The following SPIDR variants were observed in gnomAD, a reference collection of about 807,000 sequenced individuals.
The protein encoded by SPIDR is scaffold protein involved in DNA repair.
Under a neutral mutation model 104.6 loss-of-function variants are expected in SPIDR, and 93 were observed. That is an observed-to-expected ratio of 0.89 (90% CI 0.75 to 1.06). The LOEUF is 1.06. Among genes scored for constraint, SPIDR ranks in the 50% least tolerant of loss-of-function variants. SPIDR has a pLI of 0.00. For synonymous variants in SPIDR, 431 were observed against 416.9 expected, an observed-to-expected ratio of 1.03 and a Z score of -0.41; for missense variants, 1,154 against 1,111.2, an observed-to-expected ratio of 1.04 and a Z score of -0.55.
intron 5 of SPIDR, among the ~76,000 whole-genome samples, chr8:47,297,907 G>A (rs1336204231): frequency 6.6e-6 from 1 of 152,064 alleles, no homozygotes; most frequent in African/African-American, 2.4e-5. Flanking sequence ...GAATAGTGCC[G>A]CAATAATCGT....
intron 8 of SPIDR, among the ~76,000 whole-genome samples, chr8:47,457,799 G>A (rs900198363): frequency 6.6e-6 from 1 of 151,988 alleles, no homozygotes; most frequent in Non-Finnish European, 1.5e-5. Flanking sequence ...GTTTCTCATT[G>A]TCTTACATTT....
At chr8:47,357,499 G>T (rs750426550) in intron 5 of SPIDR, among the ~76,000 whole-genome samples, 1 of 152,190 alleles carries the variant, frequency 6.6e-6, no homozygotes, top group African/African-American at 2.4e-5. Flanking sequence ...GGCTTAGATG[G>T]CCAAGAGAAG....
chr8:47,411,214 A>G (rs1554671270), intron 7 of SPIDR, among the ~76,000 whole-genome samples: 1 of 152,240 alleles, frequency 6.6e-6, no homozygotes, highest in African/African-American at 2.4e-5. Flanking sequence ...TTCTAGATCT[A>G]GATCCCTGAG....
At chr8:47,366,441 T>G (rs540825881) in intron 5 of SPIDR, among the ~76,000 whole-genome samples, 28 of 152,250 alleles carry the variant, frequency 1.8e-4, no homozygotes, top group African/African-American at 6.5e-4. Context: ...GGCAAGGCTG[T>G]GCACAGACAG....
intron 5 of SPIDR, among the ~76,000 whole-genome samples, chr8:47,389,707 A>AG (rs1451856367): frequency 1.3e-5 from 2 of 151,488 alleles, no homozygotes; most frequent in East Asian, 1.9e-4. Flanking sequence ...AAAAAAAAAA[A>AG]AAAAGTTTCC....
At chr8:47,416,472 A>T (rs2064306492) in intron 7 of SPIDR, among the ~76,000 whole-genome samples, 1 of 152,178 alleles carries the variant, frequency 6.6e-6, no homozygotes, top group African/African-American at 2.4e-5. Flanking sequence ...ATTAAAAATA[A>T]AAGGTGCTGT....
intron 10 of SPIDR, among the ~76,000 whole-genome samples, chr8:47,629,690 G>A (rs2066755165): frequency 6.6e-6 from 1 of 152,342 alleles, no homozygotes; most frequent in Admixed American, 6.5e-5. Context: ...AGAGGTGGAG[G>A]TTGCAGTGAG....
intron 18 of SPIDR, 142 bp downstream of exon 18, chr8:47,729,189 C>CCCTCTAGG: frequency 6.6e-7 from 1 of 1,517,826 alleles, no homozygotes; most frequent in Non-Finnish European, 8.8e-7. Flanking sequence ...ATCTGGAACT[C>CCCTCTAGG]CCTCTAGGTC....
intron 11 of SPIDR, chr8:47,688,365 G>T: frequency 6.6e-6 from 1 of 152,018 alleles, no homozygotes; most frequent in Non-Finnish European, 1.5e-5. Context: ...CTCGAGATCC[G>T]CCCGCCTCGG....
At chr8:47,383,479 T>A (rs1297608223) in intron 5 of SPIDR, among the ~76,000 whole-genome samples, 1 of 152,218 alleles carries the variant, frequency 6.6e-6, no homozygotes, top group Non-Finnish European at 1.5e-5. Context: ...ATTAAAATGC[T>A]GTATTAACTT....
intron 19 of SPIDR, 96 bp downstream of exon 19, chr8:47,729,561 A>G (rs931579236): frequency 5.2e-5 from 71 of 1,370,074 alleles, no homozygotes; most frequent in Middle Eastern, 4.1e-4. Context: ...AATGTGTTCT[A>G]TTACAACCCA....
chr8:47,408,675 A>C (rs1211943655), intron 7 of SPIDR, among the ~76,000 whole-genome samples: 1 of 152,208 alleles, frequency 6.6e-6, no homozygotes. Flanking sequence ...AGATAACATG[A>C]TCTTATATCT....
intron 10 of SPIDR, among the ~76,000 whole-genome samples, chr8:47,633,207 A>G (rs1378014988): frequency 6.6e-6 from 1 of 152,244 alleles, no homozygotes; most frequent in Admixed American, 6.5e-5. Flanking sequence ...CTGTCATGAT[A>G]AGTGTCTGTA....
In SPIDR at chr8:47,341,242, A is replaced by T. The variant is rs146344622; in HGVS notation, c.525+47212A>T. ...GTACTGATAGATAACCTTTCCTGACATATTTGTCTATGCCATTTAATTTTC... is the reference window on the plus strand; with the variant it reads ...GTACTGATAGATAACCTTTCCTGACTTATTTGTCTATGCCATTTAATTTTC... On this transcript the variant is annotated intron_variant, in intron 5 of 19. Transcript: ENST00000297423. 3.0e-4 allele frequency among the ~76,000 whole-genome samples: 45 copies of T among 152,338 alleles called. 1 individual carries two copies. In the East Asian group the frequency reaches 5.2e-3, roughly 18 times the overall value.
At chr8:47,533,950 TCTCAC>T (rs2086472800) in intron 8 of SPIDR, among the ~76,000 whole-genome samples, 3 of 152,164 alleles carry the variant, frequency 2.0e-5, no homozygotes. Flanking sequence ...CCCACCCAAA[TCTCAC>T]CTTGAATTGT....
At chr8:47,486,654 G>A (rs554200808) in intron 8 of SPIDR, among the ~76,000 whole-genome samples, 4 of 152,286 alleles carry the variant, frequency 2.6e-5, no homozygotes, top group Admixed American at 1.3e-4. Flanking sequence ...CGGATCTCTC[G>A]GCAGACACTC....
rs142135321 is a variant in SPIDR, at chr8:47,383,234, A to C, written c.526-13142A>C. Among the ~76,000 whole-genome samples the C allele has an allele frequency of 3.5e-4, 54 of 152,218 alleles. No individual in the cohort carries two copies. In the East Asian group the frequency reaches 6.4e-3, roughly 18 times the overall value. Reference sequence around the variant, plus strand: ...GTCCTCTTGAGCATTTAAAACTCCAAATAGTATTTTATTTCTTCTTTCTTT... The same window carrying C: ...GTCCTCTTGAGCATTTAAAACTCCACATAGTATTTTATTTCTTCTTTCTTT... On this transcript the variant is annotated intron_variant, in intron 5 of 19. Transcript: ENST00000297423.
intron 5 of SPIDR, among the ~76,000 whole-genome samples, chr8:47,395,633 G>A (rs1413521724): frequency 6.6e-6 from 1 of 152,014 alleles, no homozygotes; most frequent in Admixed American, 6.5e-5. Flanking sequence ...ATCAGAAAAG[G>A]TTTTGATTTT....
At chr8:47,375,182 T>G (rs2058501943) in intron 5 of SPIDR, among the ~76,000 whole-genome samples, 1 of 152,046 alleles carries the variant, frequency 6.6e-6, no homozygotes, top group Non-Finnish European at 1.5e-5. Flanking sequence ...GTTTAAAAGT[T>G]TTATTCTTTT....
Sources: allele counts gnomAD v4.1 joint callset (sites outside exome capture counted in the v4.1 genomes callset), GRCh38; gene constraint gnomAD v4.1.1; transcripts MANE v1.5; gene names NCBI Gene and HGNC (gene_info 2026-07-23, HGNC 2026-07-21).